The following TBC1D32 variants were observed in gnomAD, a reference collection of about 807,000 sequenced individuals.
The protein encoded by TBC1D32 is TBC1 domain family member 32, also known as protein broad-minded.
A neutral mutation model predicts 170.3 loss-of-function variants in TBC1D32; 151 were observed. The observed-to-expected ratio is 0.89, with a 90% CI of 0.78 to 1.01. The LOEUF (loss-of-function observed/expected upper bound fraction) is 1.01. TBC1D32 is among the 50% of genes least tolerant of loss of function. TBC1D32 has a pLI of 0.00. For synonymous variants in TBC1D32, 498 were observed against 488.0 expected, an observed-to-expected ratio of 1.02 and a Z score of -0.27; for missense variants, 1,464 against 1,457.1, an observed-to-expected ratio of 1.00 and a Z score of -0.08.
intron 28 of TBC1D32, 126 bp downstream of exon 28, chr6:121,112,936 C>A: frequency 5.6e-6 from 4 of 708,978 alleles, no homozygotes; most frequent in Non-Finnish European, 9.0e-6. Context: ...AAGAATATAT[C>A]ATAACAAATC....
At chr6:121,206,955 C>T (rs1792356835) in intron 21 of TBC1D32, among the ~76,000 whole-genome samples, 1 of 152,236 alleles carries the variant, frequency 6.6e-6, no homozygotes, top group African/African-American at 2.4e-5. Context: ...CATGACAGAG[C>T]CACAGAGATT....
chr6:121,133,520 T>G (rs1023117914), intron 24 of TBC1D32, among the ~76,000 whole-genome samples: 13 of 152,014 alleles, frequency 8.6e-5, no homozygotes, highest in Admixed American at 7.9e-4. Flanking sequence ...TCCTGTGATG[T>G]AAAATTTCAG....
intron 17 of TBC1D32, among the ~76,000 whole-genome samples, chr6:121,244,060 T>C (rs138741574): frequency 6.6e-6 from 1 of 151,864 alleles, no homozygotes; most frequent in East Asian, 1.9e-4. Context: ...CTAGTCTGCA[T>C]AAACTAATGC....
At chr6:121,183,994 T>TTA (rs1156740684) in intron 22 of TBC1D32, among the ~76,000 whole-genome samples, 1 of 152,090 alleles carries the variant, frequency 6.6e-6, no homozygotes, top group Non-Finnish European at 1.5e-5. Flanking sequence ...TTAGGTTTCC[T>TTA]TAAGCTTTAC....
Position 121,317,669 on chromosome 6 carries a change from G to A in TBC1D32, c.321C>T (p.Tyr107=), listed in dbSNP as rs201298621. The change falls in exon 3 of 32, where the codon TAC becomes TAT. Residue 107 remains tyrosine (Y), a synonymous_variant. Coordinates refer to ENST00000398212, the MANE Select transcript of TBC1D32 (RefSeq NM_152730.6). ...VTKRTQESKE[Y]KEMMHYLKNI... ...TCTTCAGGTAATGCATCATTTCTTT[G>A]TACCTTTAAATTCAAGGTAGTCTTA... is the stretch of plus-strand genomic sequence containing the variant. 7.1e-5 allele frequency: 113 copies of A among 1,588,058 alleles called. No individual in the cohort carries two copies. In the East Asian group the frequency reaches 2.6e-3, roughly 36 times the overall value.
chr6:121,309,160 C>T (rs1288382149), intron 4 of TBC1D32, among the ~76,000 whole-genome samples: 2 of 152,108 alleles, frequency 1.3e-5, no homozygotes, highest in Non-Finnish European at 2.9e-5. Context: ...TTGTGATAGG[C>T]AGCAAGGGAA....
At chr6:121,131,103 A>G (rs1005924817) in intron 25 of TBC1D32, among the ~76,000 whole-genome samples, 3 of 152,014 alleles carry the variant, frequency 2.0e-5, no homozygotes, top group Non-Finnish European at 2.9e-5. Flanking sequence ...TTCTTTTTAC[A>G]TTATTCAAAA....
intron 26 of TBC1D32, among the ~76,000 whole-genome samples, chr6:121,125,237 A>G (rs1273726): frequency 0.18 from 28,112 of 152,122 alleles, 3,504 homozygotes; most frequent in African/African-American, 0.33. Flanking sequence ...ACCCATCTAG[A>G]GAACATTCTA....
At chr6:121,197,888 G>A (rs956764278) in intron 22 of TBC1D32, among the ~76,000 whole-genome samples, 3 of 152,030 alleles carry the variant, frequency 2.0e-5, no homozygotes, top group Non-Finnish European at 4.4e-5. Context: ...GCTGAGGAAG[G>A]CAGACCCACC....
intron 20 of TBC1D32, among the ~76,000 whole-genome samples, chr6:121,226,886 G>A (rs567616458): frequency 6.6e-6 from 1 of 150,574 alleles, no homozygotes; most frequent in East Asian, 1.9e-4. Context: ...TCCTTAATAT[G>A]TACAACTGTA....
At chr6:121,198,680 G>C (rs1583183914) in intron 22 of TBC1D32, among the ~76,000 whole-genome samples, 1 of 151,212 alleles carries the variant, frequency 6.6e-6, no homozygotes, top group East Asian at 1.9e-4. Flanking sequence ...GAACCCGGGA[G>C]GCGGAGCTTG....
chr6:121,307,534 C>G lies in TBC1D32; in HGVS notation c.690+442G>C, dbSNP rs534035656. Among the ~76,000 whole-genome samples, 4 of 152,156 alleles carry G rather than the reference C, an allele frequency of 2.6e-5. No individual in the cohort carries two copies. The South Asian group carries it at 6.2e-4, about 24-fold the overall frequency. On this transcript the variant is annotated intron_variant, in intron 5 of 31. Coordinates refer to ENST00000398212, the MANE Select transcript of TBC1D32 (RefSeq NM_152730.6). The stretch of plus-strand genomic sequence containing the variant: ...AATTTTGACAATTAGAAAGCTGAAA[C>G]TGAAGTTCCATAAATGTGTCAGCTA...
chr6:121,230,646 T>C (rs894471333), intron 20 of TBC1D32, among the ~76,000 whole-genome samples: 17 of 150,862 alleles, frequency 1.1e-4, no homozygotes, highest in African/African-American at 4.1e-4. Context: ...ATATATCTGA[T>C]ATATATATAT....
intron 22 of TBC1D32, among the ~76,000 whole-genome samples, chr6:121,192,053 A>ATATATATATATAT (rs1158179800): frequency 8.4e-5 from 5 of 59,674 alleles, no homozygotes; most frequent in Admixed American, 2.9e-4. Context: ...GTTAATACTT[A>ATATATATATATAT]ATAAACTACC....
chr6:121,228,341 C>T (rs2128337238), intron 20 of TBC1D32, among the ~76,000 whole-genome samples: 1 of 152,070 alleles, frequency 6.6e-6, no homozygotes, highest in African/African-American at 2.4e-5. Flanking sequence ...TTTCTACTCC[C>T]TTTGGGTAGA....
At chr6:121,287,181 T>G (rs1187368851) in intron 12 of TBC1D32, among the ~76,000 whole-genome samples, 1 of 152,172 alleles carries the variant, frequency 6.6e-6, no homozygotes, top group Admixed American at 6.5e-5. Flanking sequence ...ATGGGCTAAA[T>G]GCTCCAATTA....
intron 22 of TBC1D32, among the ~76,000 whole-genome samples, chr6:121,176,630 C>T (rs142916940): frequency 0.012 from 1,871 of 151,972 alleles, 38 homozygotes; most frequent in African/African-American, 0.043. Flanking sequence ...TGGAGTTTCA[C>T]TCTTGTCCCC....
chr6:121,143,543 C>G (rs2202064), intron 24 of TBC1D32, among the ~76,000 whole-genome samples: 3 of 152,030 alleles, frequency 2.0e-5, no homozygotes, highest in African/African-American at 7.2e-5. Context: ...TGCACACAAC[C>G]GAAGTGATTT....
chr6:121,278,296 T>C (rs549420376), intron 15 of TBC1D32, among the ~76,000 whole-genome samples: 1 of 152,188 alleles, frequency 6.6e-6, no homozygotes, highest in African/African-American at 2.4e-5. Flanking sequence ...AAAGATTACA[T>C]ATTCTACAGA....
Sources: allele counts gnomAD v4.1 joint callset (sites outside exome capture counted in the v4.1 genomes callset), GRCh38; gene constraint gnomAD v4.1.1; transcripts MANE v1.5; gene names NCBI Gene and HGNC (gene_info 2026-07-23, HGNC 2026-07-21).